Variants in PLS3 observed in about 807,000 individuals in gnomAD.
The protein encoded by PLS3 is plastin 3.
In PLS3, 11 loss-of-function variants were observed where a neutral mutation model predicts 46.5. The ratio of observed to expected loss-of-function variants is 0.24; its 90% CI spans 0.15 to 0.39. PLS3 has a LOEUF of 0.39. Among genes scored for constraint, PLS3 ranks in the 10% least tolerant of loss-of-function variants. The pLI is 1.00. For missense variants in PLS3, 308 were observed against 461.8 expected (o/e 0.67, Z 3.05); for synonymous variants, 167 against 162.2 (o/e 1.03, Z -0.22).
chrX:115,599,577 C>A (rs1197929901), intron 1 of PLS3, among the ~76,000 whole-genome samples: 8 of 99,107 alleles, frequency 8.1e-5, no homozygotes, highest in African/African-American at 2.7e-4. Flanking sequence ...TCCTCCAACA[C>A]ATGCTTTTGC....
intron 1 of PLS3, among the ~76,000 whole-genome samples, chrX:115,582,922 C>G (rs1468367894): frequency 9.0e-6 from 1 of 111,391 alleles, no homozygotes; most frequent in Non-Finnish European, 1.9e-5. Flanking sequence ...GCATCTGGTC[C>G]CAGGTACTCG....
At chrX:115,605,307 A>G (rs1215236316) in intron 1 of PLS3, among the ~76,000 whole-genome samples, 1 of 111,828 alleles carries the variant, frequency 8.9e-6, no homozygotes, top group South Asian at 3.7e-4. Flanking sequence ...TACATATGCA[A>G]AGTCACTTTA....
intron 2 of PLS3, among the ~76,000 whole-genome samples, chrX:115,615,952 T>C (rs1556636744): frequency 1.8e-5 from 2 of 111,920 alleles, no homozygotes; most frequent in African/African-American, 3.2e-5. Flanking sequence ...TACCAATGTA[T>C]AGTTAATGAG....
intron 5 of PLS3, among the ~76,000 whole-genome samples, chrX:115,632,399 G>A (rs1359521684): frequency 9.0e-6 from 1 of 110,698 alleles, no homozygotes; most frequent in East Asian, 2.9e-4. Flanking sequence ...GTTCGAGGCT[G>A]CAGTGATTCG....
At chrX:115,644,192 C>G (rs1271944211) in intron 10 of PLS3, among the ~76,000 whole-genome samples, 1 of 111,047 alleles carries the variant, frequency 9.0e-6, no homozygotes, top group Non-Finnish European at 1.9e-5. Flanking sequence ...CTCCTTTCAC[C>G]TTTACCTCCT....
intron 9 of PLS3, among the ~76,000 whole-genome samples, chrX:115,641,438 G>A (rs1341432826): frequency 9.1e-5 from 10 of 109,530 alleles, no homozygotes; most frequent in African/African-American, 3.0e-4. Flanking sequence ...TGTTGGCCAG[G>A]CTGGTCTTGA....
chrX:115,596,873 G>A (rs985838228), intron 1 of PLS3, among the ~76,000 whole-genome samples: 9 of 107,657 alleles, frequency 8.4e-5, no homozygotes, highest in Admixed American at 6.0e-4. Context: ...GGCTGGGTGC[G>A]GTGGCTCACT....
intron 5 of PLS3, among the ~76,000 whole-genome samples, chrX:115,630,640 T>C (rs2074754772): frequency 9.6e-6 from 1 of 103,855 alleles, no homozygotes; most frequent in African/African-American, 3.5e-5. Context: ...TACAAAGTGC[T>C]TAGGGTAGTG....
At chrX:115,574,785 G>A (rs1355523647) in intron 1 of PLS3, among the ~76,000 whole-genome samples, 1 of 111,812 alleles carries the variant, frequency 8.9e-6, no homozygotes, top group Non-Finnish European at 1.9e-5. Flanking sequence ...CTCTATGTTG[G>A]TCAGGCTGGT....
chrX:115,641,468 C>T lies in PLS3; in HGVS notation c.987+965C>T, dbSNP rs946175154. ...TCTTGAACTCCTGACCTCAGGTGAT[C>T]CACTCGCCTCGGCCTCCCAAAGTGC... On this transcript the variant is annotated intron_variant, in intron 9 of 15. Coordinates refer to ENST00000355899, the MANE Select transcript of PLS3 (RefSeq NM_005032.7). Among the ~76,000 whole-genome samples the T allele has an allele frequency of 1.1e-4, 12 of 110,470 alleles. No individual in the cohort carries two copies. The Admixed American group carries it at 1.2e-3, about 11-fold the overall frequency.
chrX:115,629,326 A>G lies in PLS3; in HGVS notation c.366A>G (p.Ser122=). Residue 122 remains serine (S), a splice_region_variant and synonymous_variant, in exon 4 of 16, where the codon TCA becomes TCG. Transcript: ENST00000355899. ...LSSEGTQHSY[S]EEEKYAFVNW... ...GCGAAGGAACACAGCATTCTTACTC[A>G]GGTAATCATTTTATATGCAATAGGT... 1 of 1,201,967 alleles carries G rather than the reference A, an allele frequency of 8.3e-7. No homozygotes were observed. The highest frequency in any genetic ancestry group is 1.8e-5 in the South Asian group (1 of 55,314).
chrX:115,642,861 GA>G (rs1285978586), intron 9 of PLS3, among the ~76,000 whole-genome samples: 3 of 111,002 alleles, frequency 2.7e-5, no homozygotes, highest in Non-Finnish European at 5.7e-5. Context: ...AAGTACATTT[GA>G]AAAAAAATTT....
intron 1 of PLS3, among the ~76,000 whole-genome samples, chrX:115,599,587 CTTT>C (rs200531547): frequency 1.2e-5 from 1 of 85,683 alleles, no homozygotes; most frequent in Non-Finnish European, 2.3e-5. Flanking sequence ...CATGCTTTTG[CTTT>C]TTTTTTTTTT....
At chrX:115,639,191 T>C (rs955978177) in intron 8 of PLS3, among the ~76,000 whole-genome samples, 7 of 112,094 alleles carry the variant, frequency 6.2e-5, no homozygotes, top group African/African-American at 2.3e-4. Flanking sequence ...ATAAATTGTT[T>C]GTGTAGCTTT....
At chrX:115,640,221 A>G (rs1164996759) in intron 8 of PLS3, 187 bp from the exon 9 acceptor site, 6 of 724,869 alleles carry the variant, frequency 8.3e-6, no homozygotes, top group Admixed American at 2.9e-5. Context: ...CAGTTCATCC[A>G]TATGCAAGAC....
chrX:115,645,931 C>T, intron 11 of PLS3, 141 bp from the exon 12 acceptor site: 1 of 462,659 alleles, frequency 2.2e-6, no homozygotes, highest in Non-Finnish European at 3.8e-6. Flanking sequence ...CTGTTTTCAG[C>T]ACAGATTGAT....
intron 5 of PLS3, among the ~76,000 whole-genome samples, chrX:115,630,702 TG>T (rs1213713492): frequency 6.4e-5 from 6 of 93,862 alleles, no homozygotes; most frequent in Non-Finnish European, 1.0e-4. Context: ...TACATATATA[TG>T]TATATATATA....
chrX:115,646,000 T>C lies in PLS3; in HGVS notation c.1263-72T>C, dbSNP rs941991473. The C allele has an allele frequency of 6.0e-5, 33 of 549,508 alleles. No homozygotes were observed. The African/African-American group carries it at 7.1e-4, about 12-fold the overall frequency. The allele number at this position is 549,508 out of a possible 1,213,427, so 45.3% of individuals were successfully genotyped here. A position where few individuals can be genotyped will look rare whatever the true frequency, so the allele number is the denominator to read the frequency against. ...TTATATATCTTGTTTGACAATGTAG[T>C]GTTACTGTTTTTAAGGAAAGTCAAG... On this transcript the variant is annotated intron_variant, in intron 11 of 15. Transcript: ENST00000355899.
intron 3 of PLS3, among the ~76,000 whole-genome samples, chrX:115,626,135 A>G (rs2147525831): frequency 8.9e-6 from 1 of 112,140 alleles, no homozygotes; most frequent in South Asian, 3.7e-4. Context: ...CTCTGATTTC[A>G]GAGATTTCTT....
Sources: gnomAD v4.1 joint callset for allele counts (sites outside exome capture counted in the v4.1 genomes callset) on GRCh38, gnomAD v4.1.1 for gene constraint, MANE v1.5 for transcripts, NCBI Gene and HGNC (gene_info 2026-07-23, HGNC 2026-07-21) for gene names.